Variants in SRL observed in about 807,000 individuals in gnomAD.
SRL encodes the protein sarcalumenin.
In SRL, 23 loss-of-function variants were observed where a neutral mutation model predicts 39.5. The observed-to-expected ratio is 0.58, with a 90% CI of 0.42 to 0.82. The LOEUF (loss-of-function observed/expected upper bound fraction) is 0.82. Ranked by LOEUF, SRL falls within the 40% of genes least tolerant of loss-of-function variation. The pLI, the probability that SRL is intolerant of heterozygous loss-of-function variation, is 0.00. For synonymous variants in SRL, 272 were observed against 237.4 expected (o/e 1.15, Z -1.34); for missense variants, 592 against 607.8 (o/e 0.97, Z 0.27).
chr16:4,229,404 C>T (rs2052634565), intron 1 of SRL, among the ~76,000 whole-genome samples: 1 of 151,894 alleles, frequency 6.6e-6, no homozygotes, highest in Non-Finnish European at 1.5e-5. Context: ...GAGCCAAGAT[C>T]ACGCCACTGC....
intron 5 of SRL, among the ~76,000 whole-genome samples, chr16:4,195,301 A>G (rs930625479): frequency 3.3e-5 from 5 of 152,116 alleles, no homozygotes; most frequent in African/African-American, 1.2e-4. Context: ...AGCTCAAGCA[A>G]TCTTCCCACC....
intron 1 of SRL, among the ~76,000 whole-genome samples, chr16:4,220,161 T>A (rs1415015298): frequency 6.6e-6 from 1 of 151,984 alleles, no homozygotes; most frequent in Non-Finnish European, 1.5e-5. Context: ...AAATCTCACG[T>A]CTAGGCCAGG....
chr16:4,199,307 T>C (rs2052189455), intron 3 of SRL, among the ~76,000 whole-genome samples: 1 of 152,000 alleles, frequency 6.6e-6, no homozygotes, highest in African/African-American at 2.4e-5. Context: ...TCTTACATGT[T>C]ATTTTAGACA....
At chr16:4,232,940 C>G (rs550020202) in intron 1 of SRL, among the ~76,000 whole-genome samples, 2 of 152,186 alleles carry the variant, frequency 1.3e-5, no homozygotes, top group Non-Finnish European at 2.9e-5. Flanking sequence ...TCCCAAACCC[C>G]GGGACTCTCC....
intron 1 of SRL, among the ~76,000 whole-genome samples, chr16:4,233,380 G>T (rs554124412): frequency 6.6e-6 from 1 of 152,166 alleles, no homozygotes; most frequent in Non-Finnish European, 1.5e-5. Context: ...CAAGCGTCAT[G>T]CTACACTGTT....
chr16:4,207,558 G>A, intron 1 of SRL: 1 of 454,770 alleles, frequency 2.2e-6, no homozygotes, highest in Non-Finnish European at 4.4e-6. Context: ...CTTTGGCTCT[G>A]CTGTCCCTGC....
chr16:4,228,651 A>C lies in SRL; in HGVS notation c.61+13356T>G, dbSNP rs185713433. ...TCGGGAGGTTGAGGCAGGAGAATGG[A>C]GTGAACCCAGGAGGCGGAGCTTGCA... On this transcript the variant is annotated intron_variant, in intron 1 of 5. Coordinates refer to ENST00000399609, the MANE Select transcript of SRL (RefSeq NM_001098814.2). Among the ~76,000 whole-genome samples the C allele has an allele frequency of 1.1e-3, 172 of 151,500 alleles. 3 individuals carry two copies. The South Asian group carries it at 0.017, about 15-fold the overall frequency.
At position 4,241,629 on chromosome 16, in the gene SRL, G is replaced by T. The variant is rs1428158029; in HGVS notation, c.61+378C>A. On this transcript the variant is annotated intron_variant, in intron 1 of 5. Transcript: ENST00000399609. ...GCCTTATATCCCACCAGGTGGGAGG[G>T]TCACCTCAACGACCTCCAGCTCCCA... 2.0e-5 allele frequency among the ~76,000 whole-genome samples: 3 copies of T among 152,120 alleles called. No individual in the cohort carries two copies. In the East Asian group the frequency reaches 5.8e-4, roughly 29 times the overall value.
At position 4,202,493 on chromosome 16, in the gene SRL, T is replaced by C. The variant is rs185017177; in HGVS notation, c.259+673A>G. On this transcript the variant is annotated intron_variant, in intron 3 of 5. Transcript: ENST00000399609. ...CTGTAGTCCCAGCTATTCGGGAGGC[T>C]GAGGCAGAAGAATGGCGTGAACCTG... Among the ~76,000 whole-genome samples the C allele has an allele frequency of 4.0e-4, 60 of 151,516 alleles. 1 individual carries two copies. Among genetic ancestry groups the C allele is most frequent in the African/African-American group, 1.4e-3 (58 of 41,210 alleles).
At position 4,195,624 on chromosome 16, in the gene SRL, T is replaced by A. The variant is rs1020592584; in HGVS notation, c.539A>T (p.His180Leu). 2 of 1,614,106 alleles carry A rather than the reference T, an allele frequency of 1.2e-6. No individual in the cohort carries two copies. Among genetic ancestry groups the A allele is most frequent in the Admixed American group, 1.7e-5 (1 of 60,002 alleles). Residue 180 changes from histidine to leucine, a missense_variant, in exon 5 of 6, where the codon CAC becomes CTC. Physicochemically the swap from His to Leu is moderately conservative, Grantham distance 99. Coordinates refer to ENST00000399609, the MANE Select transcript of SRL (RefSeq NM_001098814.2). Reference sequence around the variant, plus strand: ...AAAAGTGACCCTCTCCAGAAGTTTGTGGGGAACCTCAATGCCAATCAGCTT... The same window carrying A: ...AAAAGTGACCCTCTCCAGAAGTTTGAGGGGAACCTCAATGCCAATCAGCTT... ...LEKLIGIEVP[H>L]KLLERVTFVD...
At chr16:4,217,699 G>A (rs766084825) in intron 1 of SRL, among the ~76,000 whole-genome samples, 3 of 152,222 alleles carry the variant, frequency 2.0e-5, no homozygotes, top group Non-Finnish European at 2.9e-5. Flanking sequence ...CCATCAGAGC[G>A]TTTTAAACAT....
At chr16:4,203,693 G>GT (rs35160931) in intron 2 of SRL, among the ~76,000 whole-genome samples, 33 of 151,242 alleles carry the variant, frequency 2.2e-4, no homozygotes, top group African/African-American at 5.4e-4. Flanking sequence ...GGCCTGAGCT[G>GT]TTTTTTTTTA....
At chr16:4,232,005 G>A (rs2141067944) in intron 1 of SRL, among the ~76,000 whole-genome samples, 1 of 152,274 alleles carries the variant, frequency 6.6e-6, no homozygotes, top group Non-Finnish European at 1.5e-5. Context: ...CAGGGACTTG[G>A]CGGCTGATTT....
intron 3 of SRL, among the ~76,000 whole-genome samples, chr16:4,199,271 C>T (rs1459613139): frequency 6.6e-6 from 1 of 152,068 alleles, no homozygotes; most frequent in Non-Finnish European, 1.5e-5. Flanking sequence ...CCTGACACCC[C>T]CTGGAATAGG....
chr16:4,221,813 T>C (rs1001489816), intron 1 of SRL, among the ~76,000 whole-genome samples: 2 of 152,198 alleles, frequency 1.3e-5, no homozygotes, highest in Non-Finnish European at 2.9e-5. Flanking sequence ...TCGTTGCCTC[T>C]CTAGCTTCTG....
intron 1 of SRL, among the ~76,000 whole-genome samples, chr16:4,221,514 G>A (rs1268331292): frequency 1.3e-5 from 2 of 152,100 alleles, no homozygotes; most frequent in South Asian, 2.1e-4. Flanking sequence ...GACCCTCCCC[G>A]GTCAACACTG....
intron 1 of SRL, among the ~76,000 whole-genome samples, chr16:4,226,162 C>T (rs890880429): frequency 1.3e-5 from 2 of 152,202 alleles, no homozygotes; most frequent in Non-Finnish European, 2.9e-5. Flanking sequence ...TCCCCATCTT[C>T]CATCCCTGGT....
chr16:4,224,742 A>G (rs6500591), intron 1 of SRL, among the ~76,000 whole-genome samples: 13,040 of 152,050 alleles, frequency 0.086, 1,876 homozygotes, highest in African/African-American at 0.3. Flanking sequence ...AAGAAAAAAA[A>G]AGGATAAAGT....
In SRL at chr16:4,192,409, T is replaced by C; in HGVS notation, c.1166A>G (p.Asn389Ser). The change falls in exon 6 of 6, where the codon AAT (asparagine) becomes AGT (serine). Residue 389 changes from asparagine to serine, a missense_variant. Physicochemically the swap from Asn to Ser is conservative, Grantham distance 46. Coordinates refer to ENST00000399609, the MANE Select transcript of SRL (RefSeq NM_001098814.2). The surrounding 1 kb of genome is among the most constrained non-coding windows in gnomAD (Gnocchi z 4.0). ...YIFKTILAKT[N>S]VSKFDLPNRE... ...GTTGGGAAGGTCAAATTTGCTGACA[T>C]TGGTCTTTGCCAGGATGGTCTTGAA... is the stretch of plus-strand genomic sequence containing the variant. 1 of 1,614,222 alleles carries C rather than the reference T, an allele frequency of 6.2e-7. No individual in the cohort carries two copies. Among genetic ancestry groups the C allele is most frequent in the Non-Finnish European group, 8.5e-7 (1 of 1,180,050 alleles).
Sources: allele counts gnomAD v4.1 joint callset (sites outside exome capture counted in the v4.1 genomes callset), GRCh38; gene constraint gnomAD v4.1.1; non-coding constraint Gnocchi (gnomAD v3.1); transcripts MANE v1.5; gene names NCBI Gene and HGNC (gene_info 2026-07-23, HGNC 2026-07-21).